Variants in CSNK2A2IP observed in about 807,000 individuals in gnomAD.
CSNK2A2IP encodes casein kinase 2 subunit alpha' interacting protein, also known as casein kinase II subunit alpha'-interacting protein.
the CSNK2A2IP span, among the ~76,000 whole-genome samples, chr3:88,398,371 C>T: frequency 3.9e-5 from 6 of 152,086 alleles, no homozygotes; most frequent in Admixed American, 2.0e-4. Flanking sequence ...AATATACTTT[C>T]TCTCTGCCCT....
At chr3:88,350,954 G>A in the CSNK2A2IP span, among the ~76,000 whole-genome samples, 1 of 152,136 alleles carries the variant, frequency 6.6e-6, no homozygotes, top group South Asian at 2.1e-4. Context: ...AGCTGAGCTT[G>A]ATTTTCTGTC....
chr3:88,419,361 A>AT, the CSNK2A2IP span, among the ~76,000 whole-genome samples: 8 of 151,926 alleles, frequency 5.3e-5, no homozygotes, highest in Non-Finnish European at 1.5e-5. Context: ...GCAATATTTG[A>AT]TTTTCTGTTC....
At chr3:88,375,956 C>G in the CSNK2A2IP span, among the ~76,000 whole-genome samples, 6 of 151,492 alleles carry the variant, frequency 4.0e-5, no homozygotes, top group African/African-American at 1.5e-4. Context: ...GAGTTCCTTC[C>G]GCTGACCTCC....
the CSNK2A2IP span, among the ~76,000 whole-genome samples, chr3:88,340,905 C>T: frequency 1.3e-5 from 2 of 151,802 alleles, no homozygotes; most frequent in African/African-American, 2.4e-5. Flanking sequence ...AAGCTGTATT[C>T]CAACTTCATA....
the CSNK2A2IP span, among the ~76,000 whole-genome samples, chr3:88,419,035 C>T: frequency 6.6e-6 from 1 of 152,222 alleles, no homozygotes; most frequent in South Asian, 2.1e-4. Context: ...GAATCTAATA[C>T]CTGATGATCT....
At chr3:88,349,471 T>C in the CSNK2A2IP span, among the ~76,000 whole-genome samples, 1 of 152,132 alleles carries the variant, frequency 6.6e-6, no homozygotes, top group African/African-American at 2.4e-5. Flanking sequence ...TATTTCATTC[T>C]TTTTTATGGC....
At chr3:88,426,943 G>T in the CSNK2A2IP span, among the ~76,000 whole-genome samples, 1 of 151,974 alleles carries the variant, frequency 6.6e-6, no homozygotes, top group South Asian at 2.1e-4. Context: ...TGTGGAAGCA[G>T]CTTTGGAACT....
the CSNK2A2IP span, among the ~76,000 whole-genome samples, chr3:88,430,497 C>T: frequency 1.3e-5 from 2 of 151,884 alleles, no homozygotes; most frequent in Non-Finnish European, 2.9e-5. Flanking sequence ...AGCAGGAGGG[C>T]TGAAAAATCT....
At chr3:88,465,721 T>C in the CSNK2A2IP span, 11 of 1,231,576 alleles carry the variant, frequency 8.9e-6, no homozygotes, top group African/African-American at 1.2e-4. Context: ...GAACTCTCAT[T>C]TGTTGCACTC....
the CSNK2A2IP span, among the ~76,000 whole-genome samples, chr3:88,442,823 A>G: frequency 0.014 from 2,195 of 152,136 alleles, 32 homozygotes; most frequent in Middle Eastern, 0.02. Flanking sequence ...TTTCCTGATC[A>G]TAATGAGTTC....
the CSNK2A2IP span, among the ~76,000 whole-genome samples, chr3:88,376,046 C>T: frequency 0.019 from 2,845 of 151,800 alleles, 79 homozygotes; most frequent in African/African-American, 0.063. Flanking sequence ...CCCTGGCTGA[C>T]CAAAATCTAT....
chr3:88,467,245 G>T, the CSNK2A2IP span: 6 of 399,476 alleles, frequency 1.5e-5, no homozygotes, highest in South Asian at 7.7e-4. Context: ...CTCCTCTGTT[G>T]CCTCTGCCTC....
At chr3:88,393,839 G>A in the CSNK2A2IP span, among the ~76,000 whole-genome samples, 2 of 152,168 alleles carry the variant, frequency 1.3e-5, no homozygotes, top group Admixed American at 6.5e-5. Context: ...GGGTGCCAAG[G>A]TTATTAGTGA....
chr3:88,344,194 C>T, the CSNK2A2IP span, among the ~76,000 whole-genome samples: 1 of 151,170 alleles, frequency 6.6e-6, no homozygotes, highest in African/African-American at 2.4e-5. Flanking sequence ...TAGAGGCTCA[C>T]CTTCCTTTTA....
At chr3:88,422,035 G>T in the CSNK2A2IP span, among the ~76,000 whole-genome samples, 1 of 152,094 alleles carries the variant, frequency 6.6e-6, no homozygotes, top group Non-Finnish European at 1.5e-5. Flanking sequence ...TCCATCTTTT[G>T]CTACATCTGA....
the CSNK2A2IP span, among the ~76,000 whole-genome samples, chr3:88,458,150 T>TG: frequency 7.4e-6 from 1 of 134,280 alleles, no homozygotes; most frequent in African/African-American, 2.9e-5. Flanking sequence ...GGTTTTTTTT[T>TG]TTTTTTTTTT....
At chr3:88,456,346 ATTT>A in the CSNK2A2IP span, among the ~76,000 whole-genome samples, 1 of 151,926 alleles carries the variant, frequency 6.6e-6, no homozygotes, top group Non-Finnish European at 1.5e-5. Flanking sequence ...TTTTCCACTT[ATTT>A]GAGTTTTCAC....
At chr3:88,465,961 T>A in the CSNK2A2IP span, 1 of 1,231,634 alleles carries the variant, frequency 8.1e-7, no homozygotes, top group African/African-American at 1.6e-5. Flanking sequence ...TTGGACATCA[T>A]CTTCCTTGGG....
chr3:88,435,082 G>T, the CSNK2A2IP span, among the ~76,000 whole-genome samples: 1 of 152,118 alleles, frequency 6.6e-6, no homozygotes, highest in South Asian at 2.1e-4. Context: ...GAGTTCCCAT[G>T]AGAAAGCAAA....
Sources: allele counts gnomAD v4.1 joint callset (sites outside exome capture counted in the v4.1 genomes callset), GRCh38; gene constraint gnomAD v4.1.1; transcripts MANE v1.5; gene names NCBI Gene and HGNC (gene_info 2026-07-23, HGNC 2026-07-21).